NLRC5: variants seen among roughly 807,000 people sequenced by gnomAD.
NLRC5 encodes NLR family CARD domain containing 5, also known as protein NLRC5.
NLRC5 carries 114 observed loss-of-function variants against 206.9 expected under a neutral mutation model. That is an observed-to-expected ratio of 0.55 (90% confidence interval 0.47 to 0.64). The LOEUF (loss-of-function observed/expected upper bound fraction) is 0.64, where lower values mean the gene tolerates loss of function less well. Among genes scored for constraint, NLRC5 ranks in the 30% least tolerant of loss-of-function variants. The pLI is 0.00. For missense variants in NLRC5, 2,008 were observed against 2,305.5 expected, an observed-to-expected ratio of 0.87 and a Z score of 2.64; for synonymous variants, 952 against 962.8, an observed-to-expected ratio of 0.99 and a Z score of 0.21.
intron 12 of NLRC5, 43 bp from the exon 13 acceptor site, chr16:57,034,125 G>C: frequency 6.5e-7 from 1 of 1,548,668 alleles, no homozygotes; most frequent in Non-Finnish European, 8.9e-7. Flanking sequence ...ATGGAGTAGG[G>C]GCTGTTTGCC....
intron 24 of NLRC5, among the ~76,000 whole-genome samples, chr16:57,053,404 A>G (rs2065188412): frequency 6.6e-6 from 1 of 151,932 alleles, no homozygotes; most frequent in Non-Finnish European, 1.5e-5. Context: ...ACTGGCAGGG[A>G]CAGTCCTAGG....
At chr16:57,058,244 G>C (rs1415665342) in intron 28 of NLRC5, 96 bp downstream of exon 28, 2 of 1,016,636 alleles carry the variant, frequency 2.0e-6, no homozygotes, top group Non-Finnish European at 3.0e-6. Context: ...ATCCCCCAGA[G>C]CACCAGAGGA....
At chr16:57,071,640 A>G (rs1386670491) in intron 38 of NLRC5, among the ~76,000 whole-genome samples, 1 of 88,342 alleles carries the variant, frequency 1.1e-5, no homozygotes, top group Non-Finnish European at 2.1e-5. Flanking sequence ...GTGAGTGGTG[A>G]TGGTGGTTAA....
At position 57,010,745 on chromosome 16, in the gene NLRC5, C is replaced by T. The variant is rs116353443; in HGVS notation, c.-127-6329C>T. Among the ~76,000 whole-genome samples, 554 of 152,278 alleles carry T rather than the reference C, an allele frequency of 3.6e-3. 4 individuals are homozygous for T. The highest frequency in any genetic ancestry group is 0.013 in the African/African-American group (524 of 41,560). On this transcript the variant is annotated intron_variant, in intron 1 of 48. Transcript: ENST00000688547. Reference sequence around the variant, plus strand: ...ATATTTTTCCCCACCTATTGCCTTCCTATTTCTCTTTTATTTCACGTCATT... The same window carrying T: ...ATATTTTTCCCCACCTATTGCCTTCTTATTTCTCTTTTATTTCACGTCATT...
At position 57,070,637 on chromosome 16, in the gene NLRC5, T is replaced by A. The variant is rs1376863840; in HGVS notation, c.4667+19T>A. The A allele has an allele frequency of 1.9e-6, 3 of 1,605,040 alleles. No individual in the cohort carries two copies. Among genetic ancestry groups the A allele is most frequent in the Non-Finnish European group, 2.6e-6 (3 of 1,172,246 alleles). On this transcript the variant is annotated intron_variant, in intron 38 of 48. Coordinates refer to ENST00000688547, the MANE Select transcript of NLRC5 (RefSeq NM_001384950.1). ...GGCTGGAGTAAGTAGTGATGGTGGT[T>A]GTGGGTGAGTGAGTGGTGGGGGTGG... is the stretch of plus-strand genomic sequence containing the variant.
intron 1 of NLRC5, among the ~76,000 whole-genome samples, chr16:56,992,971 A>G (rs1478130754): frequency 3.3e-5 from 5 of 151,770 alleles, no homozygotes; most frequent in African/African-American, 1.2e-4. Context: ...ATGAAAAATA[A>G]GTCTCCTTCC....
intron 1 of NLRC5, among the ~76,000 whole-genome samples, chr16:56,996,651 C>T (rs2057650560): frequency 6.6e-6 from 1 of 152,182 alleles, no homozygotes; most frequent in Non-Finnish European, 1.5e-5. Context: ...GGAAATTATA[C>T]ACTTACCCCT....
intron 41 of NLRC5, 61 bp downstream of exon 41, chr16:57,077,440 T>C: frequency 6.8e-7 from 1 of 1,472,266 alleles, no homozygotes; most frequent in Non-Finnish European, 9.4e-7. Flanking sequence ...TAGGAGATAC[T>C]GGCCCCTAGC....
intron 1 of NLRC5, chr16:57,013,172 T>C: frequency 2.7e-6 from 1 of 371,272 alleles, no homozygotes; most frequent in South Asian, 2.6e-5. Context: ...TTAAGTCCTT[T>C]ACCAAAGGGA....
At position 57,025,772 on chromosome 16, in the gene NLRC5, CT is replaced by C. The variant is rs1567551082; in HGVS notation, c.834del (p.Phe278LeufsTer5). On this transcript the variant is annotated frameshift_variant, in exon 6 of 49. Transcript: ENST00000688547. LOFTEE classifies it high-confidence loss of function. ...GAGGTTCCTGACACCGTCCGAGCTC[CT>C]TTTTGATCTGTACCTGAGCCCTGAA... Reference protein sequence around the residue: ...ITRFLTPSELLFDLYLSPESD... With the variant: ...ITRFLTPSELXFDLYLSPESD... The C allele has an allele frequency of 1.2e-6, 2 of 1,614,254 alleles. No individual in the cohort carries two copies. Among genetic ancestry groups the C allele is most frequent in the Non-Finnish European group, 1.7e-6 (2 of 1,180,052 alleles).
intron 32 of NLRC5, among the ~76,000 whole-genome samples, chr16:57,063,017 G>T (rs975845970): frequency 1.3e-5 from 2 of 149,530 alleles, no homozygotes; most frequent in African/African-American, 4.9e-5. Context: ...GTCTGTATTT[G>T]TCTTTTTGTG....
intron 21 of NLRC5, 96 bp downstream of exon 21, chr16:57,045,588 G>A: frequency 1.6e-6 from 2 of 1,234,394 alleles, no homozygotes; most frequent in Non-Finnish European, 2.4e-6. Flanking sequence ...TGACCACTCA[G>A]CTCTCAGTTA....
At chr16:57,028,198 T>G in intron 7 of NLRC5, 43 bp downstream of exon 7, 1 of 1,576,080 alleles carries the variant, frequency 6.3e-7, no homozygotes, top group South Asian at 1.1e-5. Context: ...CAGCTGGGGA[T>G]GCCTGGTACT....
At position 57,064,796 on chromosome 16, in the gene NLRC5, T is replaced by C. The variant is rs541095311; in HGVS notation, c.4155-416T>C. ...AAAATTAGCCAGGCGTGGTGGCGCA[T>C]GCCTGTAATCCCAGCTACTTGGGAG... On this transcript the variant is annotated intron_variant, in intron 32 of 48. Transcript: ENST00000688547. Among the ~76,000 whole-genome samples, 525 of 152,162 alleles carry C rather than the reference T, an allele frequency of 3.5e-3. 1 individual carries two copies. The highest frequency in any genetic ancestry group is 0.012 in the African/African-American group (498 of 41,518).
intron 47 of NLRC5, 114 bp downstream of exon 47, chr16:57,081,295 C>A: frequency 2.7e-6 from 3 of 1,113,472 alleles, no homozygotes; most frequent in Non-Finnish European, 3.9e-6. Context: ...CCTTGAGTTG[C>A]ACACTCTGGC....
rs200108554 is a variant in NLRC5, at chr16:57,058,161, C to T, written c.3830+13C>T. ...CCGGTTTGCTTGAGTAAGTGGAAAGCAGCATAAAGGACAGATAGCAAGGAG... is the reference window on the plus strand; with the variant it reads ...CCGGTTTGCTTGAGTAAGTGGAAAGTAGCATAAAGGACAGATAGCAAGGAG... On this transcript the variant is annotated intron_variant, in intron 28 of 48. Coordinates refer to ENST00000688547, the MANE Select transcript of NLRC5 (RefSeq NM_001384950.1). 1.6e-5 allele frequency: 25 copies of T among 1,599,646 alleles called. No homozygotes were observed. The highest frequency in any genetic ancestry group is 2.0e-5 in the Non-Finnish European group (24 of 1,170,842).
At chr16:57,003,475 C>G (rs1597095953) in intron 1 of NLRC5, among the ~76,000 whole-genome samples, 1 of 152,288 alleles carries the variant, frequency 6.6e-6, no homozygotes, top group East Asian at 1.9e-4. Flanking sequence ...GCTCCCCCAA[C>G]CCCATCTCTG....
chr16:57,003,636 C>T (rs1366899525), intron 1 of NLRC5, among the ~76,000 whole-genome samples: 7 of 152,184 alleles, frequency 4.6e-5, no homozygotes, highest in African/African-American at 1.7e-4. Flanking sequence ...GTGTGACCGA[C>T]CACCCAGACC....
intron 41 of NLRC5, 62 bp downstream of exon 41, chr16:57,077,441 G>A (rs1365182765): frequency 6.8e-7 from 1 of 1,464,938 alleles, no homozygotes; most frequent in Non-Finnish European, 9.5e-7. Context: ...AGGAGATACT[G>A]GCCCCTAGCT....
Sources: gnomAD v4.1 joint callset for allele counts (sites outside exome capture counted in the v4.1 genomes callset) on GRCh38, gnomAD v4.1.1 for gene constraint, MANE v1.5 for transcripts, NCBI Gene and HGNC (gene_info 2026-07-23, HGNC 2026-07-21) for gene names.